PAPPA2: variants seen among roughly 807,000 people sequenced by gnomAD.
The protein encoded by PAPPA2 is pappalysin 2.
In PAPPA2, 86 loss-of-function variants were observed where a neutral mutation model predicts 176.4. The ratio of observed to expected loss-of-function variants is 0.49; its 90% CI spans 0.41 to 0.58. The LOEUF (loss-of-function observed/expected upper bound fraction) is 0.58. Ranked by LOEUF, PAPPA2 falls within the 20% of genes least tolerant of loss-of-function variation. The pLI, the probability that PAPPA2 is intolerant of heterozygous loss-of-function variation, is 0.00. For synonymous variants in PAPPA2, 809 were observed against 852.2 expected, an observed-to-expected ratio of 0.95 and a Z score of 0.88; for missense variants, 2,073 against 2,256.9, an observed-to-expected ratio of 0.92 and a Z score of 1.65.
chr1:176,600,623 C>T (rs1463650678), intron 3 of PAPPA2, among the ~76,000 whole-genome samples: 20 of 145,766 alleles, frequency 1.4e-4, no homozygotes, highest in Non-Finnish European at 3.0e-5. Flanking sequence ...TTGCAGTGAG[C>T]CGAGATCGCG....
At chr1:176,566,892 G>T (rs1652016475) in intron 2 of PAPPA2, among the ~76,000 whole-genome samples, 2 of 152,200 alleles carry the variant, frequency 1.3e-5, no homozygotes, top group South Asian at 2.1e-4. Context: ...TAACAGAAAG[G>T]CAACACCTTA....
At chr1:176,828,322 C>G (rs1450526151) in intron 21 of PAPPA2, among the ~76,000 whole-genome samples, 1 of 152,124 alleles carries the variant, frequency 6.6e-6, no homozygotes, top group African/African-American at 2.4e-5. Flanking sequence ...CACCACACAC[C>G]TATATAAAAC....
At chr1:176,779,519 C>CAGAGAGAG (rs565823413) in intron 17 of PAPPA2, among the ~76,000 whole-genome samples, 6 of 102,538 alleles carry the variant, frequency 5.9e-5, no homozygotes, top group African/African-American at 2.0e-4. Context: ...CACACACACA[C>CAGAGAGAG]AGAGAGAGAG....
intron 1 of PAPPA2, among the ~76,000 whole-genome samples, chr1:176,485,414 G>T (rs1652602034): frequency 1.3e-5 from 2 of 152,056 alleles, no homozygotes; most frequent in South Asian, 4.2e-4. Flanking sequence ...TCAGATCTTT[G>T]CACCTATGCT....
rs1414124695 is a variant in PAPPA2 at position 176,818,991 on chromosome 1, G to A, written c.5202+18859G>A. On this transcript the variant is annotated intron_variant, in intron 21 of 22. Coordinates refer to ENST00000367662, the MANE Select transcript of PAPPA2 (RefSeq NM_020318.3). ...AATTTGCTGTAGAGTTATTTGTTAT[G>A]CTTGATGTCTGTTTTCCCCATTGGA... Among the ~76,000 whole-genome samples the A allele has an allele frequency of 3.3e-5, 5 of 152,148 alleles. No individual in the cohort carries two copies. The East Asian group carries it at 7.7e-4, about 23-fold the overall frequency.
At chr1:176,524,208 A>G (rs1649356968) in intron 1 of PAPPA2, among the ~76,000 whole-genome samples, 1 of 152,120 alleles carries the variant, frequency 6.6e-6, no homozygotes, top group Admixed American at 6.5e-5. Context: ...CATGGCATAT[A>G]GCAGATCTGA....
intron 2 of PAPPA2, among the ~76,000 whole-genome samples, chr1:176,568,367 A>G (rs1170764622): frequency 6.6e-6 from 1 of 152,202 alleles, no homozygotes; most frequent in South Asian, 2.1e-4. Flanking sequence ...GTCTGTTTAC[A>G]AATATTAACT....
intron 4 of PAPPA2, among the ~76,000 whole-genome samples, chr1:176,680,649 C>T (rs61822997): frequency 0.065 from 9,954 of 152,168 alleles, 355 homozygotes; most frequent in South Asian, 0.14. Context: ...CGTTAAAAAT[C>T]GCTTCTCAGT....
At chr1:176,505,861 T>C (rs1648230744) in intron 1 of PAPPA2, among the ~76,000 whole-genome samples, 1 of 152,092 alleles carries the variant, frequency 6.6e-6, no homozygotes, top group Admixed American at 6.6e-5. Flanking sequence ...TGTTGAATAC[T>C]TGAACATGCA....
chr1:176,496,980 C>CT (rs926577512), intron 1 of PAPPA2, among the ~76,000 whole-genome samples: 393 of 148,756 alleles, frequency 2.6e-3, no homozygotes, highest in Non-Finnish European at 3.9e-3. Flanking sequence ...TTCCCTCAAC[C>CT]TTTTTTTTTT....
intron 1 of PAPPA2, among the ~76,000 whole-genome samples, chr1:176,530,936 C>G (rs1352936840): frequency 1.3e-5 from 2 of 152,128 alleles, no homozygotes; most frequent in Admixed American, 6.5e-5. Context: ...TTGTACATTT[C>G]TACTTCTTGC....
chr1:176,793,064 T>C (rs1665252733), intron 19 of PAPPA2, among the ~76,000 whole-genome samples: 1 of 152,156 alleles, frequency 6.6e-6, no homozygotes, highest in African/African-American at 2.4e-5. Context: ...TCTGGGCCAT[T>C]TCCCGCCACC....
At position 176,793,553 on chromosome 1, in the gene PAPPA2, C is replaced by A; in HGVS notation, c.5021-7C>A. On this transcript the variant is annotated splice_region_variant and splice_polypyrimidine_tract_variant and intron_variant, in intron 19 of 22. Coordinates refer to ENST00000367662, the MANE Select transcript of PAPPA2 (RefSeq NM_020318.3). ...CAAGTCTCTGCTGTAAACTTCTGTT[C>A]TTTCAGGTGCAGTGTGTTCCCCATT... 2 of 1,598,606 alleles carry A rather than the reference C, an allele frequency of 1.3e-6. No individual in the cohort carries two copies. Among genetic ancestry groups the A allele is most frequent in the Non-Finnish European group, 8.6e-7 (1 of 1,167,160 alleles).
At chr1:176,646,962 T>G (rs1177494122) in intron 3 of PAPPA2, among the ~76,000 whole-genome samples, 1 of 151,592 alleles carries the variant, frequency 6.6e-6, no homozygotes, top group African/African-American at 2.4e-5. Flanking sequence ...ATAGCTCTAT[T>G]ATTAGTTTTT....
At chr1:176,478,806 G>A (rs530997077) in intron 1 of PAPPA2, among the ~76,000 whole-genome samples, 2 of 152,246 alleles carry the variant, frequency 1.3e-5, no homozygotes, top group South Asian at 4.2e-4. Context: ...TGCTGGTCTT[G>A]GATGAGGACC....
Position 176,556,717 on chromosome 1 carries a change from A to C in PAPPA2, c.395A>C (p.Asp132Ala), listed in dbSNP as rs141111477. Residue 132 changes from aspartate (D) to alanine (A), a missense_variant, in exon 2 of 23, where the codon GAT becomes GCT. Physicochemically the swap from Asp to Ala is moderately radical, Grantham distance 126 (BLOSUM62 -2). Coordinates refer to ENST00000367662, the MANE Select transcript of PAPPA2 (RefSeq NM_020318.3). ...VEEPAAPWVG[D>A]SPIGQSELLG... ...GAGCCGGCTGCCCCATGGGTAGGGG[A>C]TAGTCCTATTGGGCAATCTGAGCTG... The C allele has an allele frequency of 1.2e-5, 19 of 1,614,054 alleles. No homozygotes were observed. Among genetic ancestry groups the C allele is most frequent in the Middle Eastern group, 3.3e-4 (2 of 6,062 alleles).
chr1:176,505,608 T>A (rs1368755584), intron 1 of PAPPA2, among the ~76,000 whole-genome samples: 3 of 151,716 alleles, frequency 2.0e-5, no homozygotes, highest in African/African-American at 4.8e-5. Context: ...TTAGAAAAAA[T>A]TAGATTGGAG....
At chr1:176,651,253 C>A (rs567608678) in intron 3 of PAPPA2, among the ~76,000 whole-genome samples, 3 of 151,290 alleles carry the variant, frequency 2.0e-5, no homozygotes, top group Admixed American at 2.0e-4. Context: ...TTTTCTTTTG[C>A]ATATTAGTGT....
intron 1 of PAPPA2, among the ~76,000 whole-genome samples, chr1:176,482,776 A>G (rs1652464112): frequency 6.6e-6 from 1 of 152,048 alleles, no homozygotes. Flanking sequence ...GCTCCAGTAA[A>G]AGTCTTTGGT....
Sources: gnomAD v4.1 joint callset for allele counts (sites outside exome capture counted in the v4.1 genomes callset) on GRCh38, gnomAD v4.1.1 for gene constraint, MANE v1.5 for transcripts, NCBI Gene and HGNC (gene_info 2026-07-23, HGNC 2026-07-21) for gene names.